CAPZA2: variants seen among roughly 807,000 people sequenced by gnomAD.
The protein encoded by CAPZA2 is F-actin-capping protein subunit alpha-2.
In CAPZA2, 13 loss-of-function variants were observed where a neutral mutation model predicts 44.0. The observed-to-expected ratio is 0.30, with a 90% CI of 0.19 to 0.47. The LOEUF is 0.47. Ranked by LOEUF, CAPZA2 falls within the 20% of genes least tolerant of loss-of-function variation. CAPZA2 has a pLI of 1.00. For missense variants in CAPZA2, 244 were observed against 338.6 expected, an observed-to-expected ratio of 0.72 and a Z score of 2.19; for synonymous variants, 94 against 108.2, an observed-to-expected ratio of 0.87 and a Z score of 0.81.
intron 4 of CAPZA2, among the ~76,000 whole-genome samples, chr7:116,901,881 ATGTGTGTGTG>A (rs1554410805): frequency 5.5e-4 from 78 of 140,898 alleles, no homozygotes; most frequent in African/African-American, 1.8e-3. Context: ...TAACGAAGAA[ATGTGTGTGTG>A]TGTGTGTGTG....
At chr7:116,917,222 G>A (rs1403198980) in intron 9 of CAPZA2, among the ~76,000 whole-genome samples, 2 of 151,776 alleles carry the variant, frequency 1.3e-5, no homozygotes, top group East Asian at 3.8e-4. Flanking sequence ...AATTATTATA[G>A]GCTTTTTCTT....
intron 3 of CAPZA2, among the ~76,000 whole-genome samples, chr7:116,894,013 G>C (rs1462265553): frequency 6.6e-6 from 1 of 150,822 alleles, no homozygotes; most frequent in African/African-American, 2.5e-5. Context: ...TACAAAGAAA[G>C]TTTAGTATCC....
chr7:116,880,034 C>T (rs1329427643), intron 1 of CAPZA2: 4 of 460,568 alleles, frequency 8.7e-6, no homozygotes, highest in Non-Finnish European at 1.3e-5. Flanking sequence ...TAGGCAGTTT[C>T]TCCCGCTCTG....
chr7:116,921,658 G>GA lies in CAPZA2; in HGVS notation c.*3791_*3792insA, dbSNP rs1235247197. On this transcript the variant is annotated 3_prime_UTR_variant, in exon 10 of 10. Coordinates refer to ENST00000361183, the MANE Select transcript of CAPZA2 (RefSeq NM_006136.3). Reference sequence around the variant, plus strand: ...GACTGTGCCACTTCACTGCAGCCTGGGTGACAGGGTGAGAGTCTGTCTCAA... The same window carrying GA: ...GACTGTGCCACTTCACTGCAGCCTGGAGTGACAGGGTGAGAGTCTGTCTCAA... 6.6e-6 allele frequency: 1 copy of GA among 152,218 alleles called. No individual in the cohort carries two copies. The highest frequency in any genetic ancestry group is 1.9e-4 in the East Asian group (1 of 5,196). The allele number at this position is 152,218 out of a possible 1,614,324, so 9.4% of individuals were successfully genotyped here.
chr7:116,890,941 A>C (rs1304756052), intron 2 of CAPZA2, among the ~76,000 whole-genome samples: 2 of 152,146 alleles, frequency 1.3e-5, no homozygotes, highest in Non-Finnish European at 2.9e-5. Context: ...AAACCTTAAC[A>C]GTTAGATGGT....
rs1410494441 is a variant in CAPZA2 at position 116,893,062 on chromosome 7, A to G, written c.155+17A>G. 2.0e-6 allele frequency: 3 copies of G among 1,511,296 alleles called. No homozygotes were observed. Among genetic ancestry groups the G allele is most frequent in the Non-Finnish European group, 2.7e-6 (3 of 1,101,638 alleles). 93.6% of individuals were successfully genotyped at this position (1,511,296 alleles called of 1,614,324 possible). A position where few individuals can be genotyped will look rare whatever the true frequency, so the allele number is the denominator to read the frequency against. On this transcript the variant is annotated intron_variant, in intron 3 of 9. Transcript: ENST00000361183. The stretch of plus-strand genomic sequence containing the variant: ...AGCAGCCCAGTAAGTATTATTTATC[A>G]TACTAACCTAACTAAAATGACATGG...
chr7:116,863,822 G>T (rs1796448766), intron 1 of CAPZA2, among the ~76,000 whole-genome samples: 1 of 152,008 alleles, frequency 6.6e-6, no homozygotes, highest in South Asian at 2.1e-4. Flanking sequence ...ATGTAAGTCT[G>T]AGGATATTTT....
intron 5 of CAPZA2, 32 bp downstream of exon 5, chr7:116,904,415 T>G: frequency 7.3e-7 from 1 of 1,377,886 alleles, no homozygotes; most frequent in Non-Finnish European, 1.0e-6. Flanking sequence ...TGTGTGTGTG[T>G]TTTGTGTAAA....
Position 116,906,620 on chromosome 7 carries a change from T to G in CAPZA2, c.506+278T>G, listed in dbSNP as rs538974012. ...TGCCTGCGAGAACACCAGTTGGCAA[T>G]CCATATGCTCATTCTGTGAAGGGGC... On this transcript the variant is annotated intron_variant, in intron 6 of 9. Coordinates refer to ENST00000361183, the MANE Select transcript of CAPZA2 (RefSeq NM_006136.3). 1.6e-5 allele frequency: 5 copies of G among 312,932 alleles called. No homozygotes were observed. In the East Asian group the frequency reaches 2.6e-4, roughly 16 times the overall value. The allele number at this position is 312,932 out of a possible 1,614,324, so 19.4% of individuals were successfully genotyped here.
chr7:116,903,208 T>C (rs1056949334), intron 4 of CAPZA2, among the ~76,000 whole-genome samples: 3 of 151,440 alleles, frequency 2.0e-5, no homozygotes, highest in Non-Finnish European at 4.4e-5. Context: ...GATGTTTATA[T>C]TGAAAGAAGC....
intron 6 of CAPZA2, chr7:116,906,781 CAT>C (rs1791519149): frequency 6.5e-6 from 1 of 154,818 alleles, no homozygotes; most frequent in African/African-American, 2.4e-5. Context: ...GAAATAATGA[CAT>C]GTTTTATACA....
At chr7:116,900,280 A>C (rs1796979556) in intron 4 of CAPZA2, among the ~76,000 whole-genome samples, 1 of 151,946 alleles carries the variant, frequency 6.6e-6, no homozygotes, top group Admixed American at 6.6e-5. Flanking sequence ...CATTTATCAT[A>C]AATGGAGATG....
At chr7:116,917,473 G>A (rs1791695938) in intron 9 of CAPZA2, among the ~76,000 whole-genome samples, 1 of 152,028 alleles carries the variant, frequency 6.6e-6, no homozygotes, top group Non-Finnish European at 1.5e-5. Flanking sequence ...TAGCCAGGAT[G>A]GTCTCGATCT....
chr7:116,910,699 A>G (rs1791579951), intron 7 of CAPZA2, among the ~76,000 whole-genome samples: 1 of 152,122 alleles, frequency 6.6e-6, no homozygotes, highest in Non-Finnish European at 1.5e-5. Context: ...AATATATTGT[A>G]TGCATGTATT....
At chr7:116,875,187 A>G (rs1293200834) in intron 1 of CAPZA2, 1 of 151,944 alleles carries the variant, frequency 6.6e-6, no homozygotes, top group Non-Finnish European at 1.5e-5. Context: ...TATGACTGAA[A>G]TCTGTTCATT....
intron 1 of CAPZA2, among the ~76,000 whole-genome samples, chr7:116,876,781 T>C (rs1317507015): frequency 1.3e-5 from 2 of 152,172 alleles, no homozygotes; most frequent in South Asian, 2.1e-4. Flanking sequence ...ACAGATGAGA[T>C]TGACAGCAGT....
At chr7:116,894,872 T>A (rs908989161) in intron 3 of CAPZA2, among the ~76,000 whole-genome samples, 6 of 152,154 alleles carry the variant, frequency 3.9e-5, no homozygotes, top group Non-Finnish European at 5.9e-5. Context: ...TGTATCTGTA[T>A]AGCACATTTT....
At chr7:116,888,227 C>G in intron 2 of CAPZA2, 37 bp downstream of exon 2, 1 of 1,401,664 alleles carries the variant, frequency 7.1e-7, no homozygotes, top group South Asian at 1.2e-5. Context: ...CTTGATATAT[C>G]AAGCCCTCTT....
chr7:116,909,840 TTAGTTTTG>T (rs1042868218), intron 6 of CAPZA2: 1 of 190,596 alleles, frequency 5.2e-6, no homozygotes, highest in African/African-American at 2.4e-5. Flanking sequence ...AGCTTATGAC[TTAGTTTTG>T]TATTGGTTTT....
Sources: allele counts gnomAD v4.1 joint callset (sites outside exome capture counted in the v4.1 genomes callset), GRCh38; gene constraint gnomAD v4.1.1; transcripts MANE v1.5; gene names NCBI Gene and HGNC (gene_info 2026-07-23, HGNC 2026-07-21).